The following SYK variants were observed in gnomAD, a reference collection of about 807,000 sequenced individuals.
SYK encodes tyrosine-protein kinase SYK.
A neutral mutation model predicts 77.8 loss-of-function variants in SYK; 16 were observed. The observed-to-expected ratio is 0.21, with a 90% CI of 0.14 to 0.31. The LOEUF (loss-of-function observed/expected upper bound fraction) is 0.31. SYK is among the 10% of genes least tolerant of loss of function. SYK has a pLI of 1.00. For missense variants in SYK, 529 were observed against 814.4 expected, an observed-to-expected ratio of 0.65 and a Z score of 4.26; for synonymous variants, 312 against 308.7, an observed-to-expected ratio of 1.01 and a Z score of -0.11.
Position 90,842,756 on chromosome 9 carries a change from AGAGTGTGTGTGTGTGT to A in SYK, c.-41-1100_-41-1085del, listed in dbSNP as rs1269921550. On this transcript the variant is annotated intron_variant, in intron 1 of 13. Transcript: ENST00000375754. Reference sequence around the variant, plus strand: ...CATGTAGTGTGCATGTGGTATGGAGAGAGTGTGTGTGTGTGTGTGTGTGTGTGTGTGTGTGTGTGTG... The same window carrying A: ...CATGTAGTGTGCATGTGGTATGGAGAGTGTGTGTGTGTGTGTGTGTGTGTG... 8.1e-4 allele frequency among the ~76,000 whole-genome samples: 116 copies of A among 143,738 alleles called. No individual in the cohort carries two copies. In the South Asian group the frequency reaches 8.3e-3, roughly 10 times the overall value. 94.3% of individuals were successfully genotyped at this position (143,738 alleles called of 152,430 possible). A position where few individuals can be genotyped will look rare whatever the true frequency, so the allele number is the denominator to read the frequency against.
intron 9 of SYK, among the ~76,000 whole-genome samples, chr9:90,875,384 C>T (rs1161284049): frequency 6.6e-6 from 1 of 151,844 alleles, no homozygotes; most frequent in Non-Finnish European, 1.5e-5. Flanking sequence ...GCCTGGGTAA[C>T]AAAGCAAGGC....
At chr9:90,830,637 G>A (rs1356145878) in intron 1 of SYK, among the ~76,000 whole-genome samples, 1 of 144,416 alleles carries the variant, frequency 6.9e-6, no homozygotes, top group African/African-American at 2.6e-5. Context: ...CCAGGCTGGA[G>A]TGCAGTGGCA....
At chr9:90,877,974 G>C (rs941712473) in intron 10 of SYK, among the ~76,000 whole-genome samples, 194 bp downstream of exon 10, 2 of 152,190 alleles carry the variant, frequency 1.3e-5, no homozygotes, top group Non-Finnish European at 2.9e-5. Context: ...GTTAGCTCTA[G>C]TTGTTCAGAG....
At chr9:90,822,459 A>G (rs536283632) in intron 1 of SYK, among the ~76,000 whole-genome samples, 6 of 152,242 alleles carry the variant, frequency 3.9e-5, no homozygotes, top group Non-Finnish European at 8.8e-5. Flanking sequence ...AGCCCATTGA[A>G]TTCTCAAAAT....
At chr9:90,855,998 C>A (rs1827024758) in intron 3 of SYK, among the ~76,000 whole-genome samples, 1 of 152,192 alleles carries the variant, frequency 6.6e-6, no homozygotes, top group African/African-American at 2.4e-5. Flanking sequence ...GCAATTCCTG[C>A]AAAATGCCCA....
chr9:90,839,395 T>G (rs1826209584), intron 1 of SYK, among the ~76,000 whole-genome samples: 1 of 152,112 alleles, frequency 6.6e-6, no homozygotes, highest in African/African-American at 2.4e-5. Flanking sequence ...CAGCACATTC[T>G]TCTGCCACCT....
In SYK at chr9:90,864,982, A is replaced by G. The variant is rs553278480; in HGVS notation, c.797-66A>G. 92 of 1,469,036 alleles carry G rather than the reference A, an allele frequency of 6.3e-5. No homozygotes were observed. In the African/African-American group the frequency reaches 1.2e-3, roughly 19 times the overall value. The allele number at this position is 1,469,036 out of a possible 1,614,324, so 91.0% of individuals were successfully genotyped here. A position where few individuals can be genotyped will look rare whatever the true frequency, so the allele number is the denominator to read the frequency against. ...ATCCTGATCTCATTGATTGATCTGC[A>G]GTGGGGAGGGGAAGGAAGTGGTTTC... On this transcript the variant is annotated intron_variant, in intron 5 of 13. Transcript: ENST00000375754.
chr9:90,835,311 T>C (rs1406688764), intron 1 of SYK, among the ~76,000 whole-genome samples: 2 of 152,176 alleles, frequency 1.3e-5, no homozygotes, highest in East Asian at 3.9e-4. Flanking sequence ...CCAGCGGAGA[T>C]GTTGGATGGA....
intron 3 of SYK, 114 bp from the exon 4 acceptor site, chr9:90,862,092 G>C: frequency 1.5e-6 from 2 of 1,331,398 alleles, no homozygotes; most frequent in Non-Finnish European, 2.0e-6. Flanking sequence ...TGCCTTGCCA[G>C]GTGACAGGCC....
At chr9:90,889,227 A>G (rs1376071510) in intron 13 of SYK, among the ~76,000 whole-genome samples, 1 of 152,356 alleles carries the variant, frequency 6.6e-6, no homozygotes, top group East Asian at 1.9e-4. Context: ...GCAGCTCAGC[A>G]AGGAAGGAAA....
At chr9:90,894,365 A>G (rs1828902374) in intron 13 of SYK, among the ~76,000 whole-genome samples, 1 of 152,216 alleles carries the variant, frequency 6.6e-6, no homozygotes, top group South Asian at 2.1e-4. Flanking sequence ...GTCCCCAGAC[A>G]TGACCACAGA....
At chr9:90,839,632 A>G (rs978670117) in intron 1 of SYK, among the ~76,000 whole-genome samples, 18 of 152,348 alleles carry the variant, frequency 1.2e-4, no homozygotes, top group Admixed American at 8.5e-4. Flanking sequence ...TAAGATTTAT[A>G]TGAATTAAAA....
chr9:90,838,757 GT>G (rs1826179002), intron 1 of SYK, among the ~76,000 whole-genome samples: 1 of 152,234 alleles, frequency 6.6e-6, no homozygotes, highest in South Asian at 2.1e-4. Context: ...TAGGGAGCAA[GT>G]TCTAAACACT....
intron 11 of SYK, among the ~76,000 whole-genome samples, chr9:90,884,314 T>TACACATACGTGTATATATACAC (rs1828325732): frequency 8.4e-6 from 1 of 118,838 alleles, no homozygotes; most frequent in Non-Finnish European, 1.7e-5. Flanking sequence ...TACACACATA[T>TACACATACGTGTATATATACAC]ACACATACAC....
chr9:90,846,870 G>A (rs1047641557), intron 3 of SYK, among the ~76,000 whole-genome samples: 5 of 152,170 alleles, frequency 3.3e-5, no homozygotes, highest in Non-Finnish European at 5.9e-5. Context: ...CTGAGGTTTG[G>A]CTTCTTACCA....
In SYK at chr9:90,867,285, G is replaced by A. The variant is rs56024319; in HGVS notation, c.915+86G>A. The A allele has an allele frequency of 6.2e-3, 8,382 of 1,347,156 alleles. 31 individuals carry two copies. The highest frequency in any genetic ancestry group is 7.1e-3 in the Non-Finnish European group (6,635 of 940,608). The allele number at this position is 1,347,156 out of a possible 1,614,324, so 83.5% of individuals were successfully genotyped here. A position where few individuals can be genotyped will look rare whatever the true frequency, so the allele number is the denominator to read the frequency against. On this transcript the variant is annotated intron_variant, in intron 7 of 13. Transcript: ENST00000375754. Reference sequence around the variant, plus strand: ...CCCGCCCGCCCAGTCTGCCCTGTGTGTGCGCTGCCCCCCATCTCTTGCCAC... The same window carrying A: ...CCCGCCCGCCCAGTCTGCCCTGTGTATGCGCTGCCCCCCATCTCTTGCCAC...
At chr9:90,838,828 G>A (rs890473550) in intron 1 of SYK, among the ~76,000 whole-genome samples, 1 of 152,234 alleles carries the variant, frequency 6.6e-6, no homozygotes, top group Non-Finnish European at 1.5e-5. Flanking sequence ...AGCTGTTCCT[G>A]TAGTCAGAGT....
intron 9 of SYK, 114 bp downstream of exon 9, chr9:90,874,963 C>T (rs1447861418): frequency 8.1e-7 from 1 of 1,239,460 alleles, no homozygotes; most frequent in Non-Finnish European, 1.1e-6. Flanking sequence ...TTAATGCTAC[C>T]ATTCTTGTTA....
Position 90,833,148 on chromosome 9 carries a change from C to T in SYK, c.-41-10710C>T, listed in dbSNP as rs1446234055. Among the ~76,000 whole-genome samples the T allele has an allele frequency of 2.0e-5, 3 of 152,318 alleles. 1 individual carries two copies. In the East Asian group the frequency reaches 5.8e-4, roughly 29 times the overall value. On this transcript the variant is annotated intron_variant, in intron 1 of 13. Coordinates refer to ENST00000375754, the MANE Select transcript of SYK (RefSeq NM_003177.7). ...GGCTTTCATGAGCTAGCTTCAGAGACCCAACATTGTCACTCTGCAGTCAGC... is the reference window on the plus strand; with the variant it reads ...GGCTTTCATGAGCTAGCTTCAGAGATCCAACATTGTCACTCTGCAGTCAGC...
Sources: gnomAD v4.1 joint callset for allele counts (sites outside exome capture counted in the v4.1 genomes callset) on GRCh38, gnomAD v4.1.1 for gene constraint, MANE v1.5 for transcripts, NCBI Gene and HGNC (gene_info 2026-07-23, HGNC 2026-07-21) for gene names.